Variants in DNM1L observed in about 807,000 individuals in gnomAD.
The protein encoded by DNM1L is dynamin 1L.
DNM1L carries 33 observed loss-of-function variants against 92.8 expected under a neutral mutation model. That is an observed-to-expected ratio of 0.36 (90% CI 0.27 to 0.48). The LOEUF is 0.48. Ranked by LOEUF, DNM1L falls within the 20% of genes least tolerant of loss-of-function variation. DNM1L has a pLI of 0.99. For synonymous variants in DNM1L, 284 were observed against 305.0 expected, an observed-to-expected ratio of 0.93 and a Z score of 0.72; for missense variants, 485 against 888.8, an observed-to-expected ratio of 0.55 and a Z score of 5.78.
At chr12:32,691,088 A>G (rs115358773) in intron 1 of DNM1L, among the ~76,000 whole-genome samples, 3,086 of 152,304 alleles carry the variant, frequency 0.02, 103 homozygotes, top group African/African-American at 0.071. Context: ...CTAGAAGTCC[A>G]AGATCAAAGT....
At chr12:32,684,574 G>T (rs929082936) in intron 1 of DNM1L, among the ~76,000 whole-genome samples, 67 of 151,778 alleles carry the variant, frequency 4.4e-4, no homozygotes, top group Admixed American at 7.2e-4. Flanking sequence ...CACCTTCCGG[G>T]TTCAGGTGAT....
At chr12:32,735,737 G>C (rs1954825664) in intron 13 of DNM1L, among the ~76,000 whole-genome samples, 1 of 152,004 alleles carries the variant, frequency 6.6e-6, no homozygotes, top group Admixed American at 6.6e-5. Flanking sequence ...AAATTAGCCG[G>C]GGGTGGTGGA....
chr12:32,707,956 A>G (rs990049408), intron 3 of DNM1L, among the ~76,000 whole-genome samples, 197 bp from the exon 4 acceptor site: 6 of 148,640 alleles, frequency 4.0e-5, no homozygotes, highest in South Asian at 2.2e-4. Context: ...CTCTCAAAGA[A>G]AAAAAAAAAG....
chr12:32,726,685 T>C (rs1954170715), intron 9 of DNM1L: 1 of 671,418 alleles, frequency 1.5e-6, no homozygotes, highest in Non-Finnish European at 2.7e-6. Flanking sequence ...GAAACTGTTT[T>C]AGTCACAATA....
chr12:32,696,383 A>AACACACAC lies in DNM1L; in HGVS notation c.103-5006_103-4999dup, dbSNP rs58224525. Reference sequence around the variant, plus strand: ...GAGACCCTGTCTACACACACACACAAACACACACACACACACACACACACA... The same window carrying AACACACAC: ...GAGACCCTGTCTACACACACACACAAACACACACACACACACACACACACACACACACA... On this transcript the variant is annotated intron_variant, in intron 1 of 19. Coordinates refer to ENST00000549701, the MANE Select transcript of DNM1L (RefSeq NM_012062.5). Among the ~76,000 whole-genome samples the AACACACAC allele has an allele frequency of 4.9e-3, 705 of 145,106 alleles. 1 individual carries two copies. The highest frequency in any genetic ancestry group is 6.4e-3 in the African/African-American group (254 of 39,440).
intron 4 of DNM1L, among the ~76,000 whole-genome samples, chr12:32,710,338 C>T (rs1361306743): frequency 1.3e-5 from 2 of 152,158 alleles, no homozygotes; most frequent in Non-Finnish European, 2.9e-5. Flanking sequence ...CTCGGAACCT[C>T]ATAAATTTGG....
chr12:32,742,305 T>C (rs759071384), intron 18 of DNM1L, among the ~76,000 whole-genome samples: 9 of 152,160 alleles, frequency 5.9e-5, no homozygotes, highest in Non-Finnish European at 1.0e-4. Flanking sequence ...TGTTTCACCA[T>C]GTTGGCCAGG....
At chr12:32,703,729 T>G (rs1270500776) in intron 2 of DNM1L, among the ~76,000 whole-genome samples, 1 of 152,000 alleles carries the variant, frequency 6.6e-6, no homozygotes, top group African/African-American at 2.4e-5. Flanking sequence ...AGATTCAGAG[T>G]AGTACATTCT....
intron 1 of DNM1L, 162 bp downstream of exon 1, chr12:32,679,627 CCGCACCCG>C (rs1951725911): frequency 1.5e-6 from 2 of 1,335,496 alleles, no homozygotes; most frequent in Non-Finnish European, 9.6e-7. Flanking sequence ...CCGGGCTCTG[CCGCACCCG>C]CCCTCCCGGG....
intron 5 of DNM1L, among the ~76,000 whole-genome samples, chr12:32,712,498 A>G (rs528549945): frequency 6.6e-6 from 1 of 151,802 alleles, no homozygotes; most frequent in East Asian, 1.9e-4. Flanking sequence ...TCATAATCCT[A>G]ATGGCCAGGT....
intron 6 of DNM1L, among the ~76,000 whole-genome samples, chr12:32,714,972 C>T (rs2137383693): frequency 6.6e-6 from 1 of 152,206 alleles, no homozygotes; most frequent in East Asian, 1.9e-4. Context: ...TGCACTCTTG[C>T]CTGGGCTCAG....
At position 32,743,761 on chromosome 12, in the gene DNM1L, A is replaced by G. The variant is rs1955476654; in HGVS notation, c.*351A>G. 1 of 280,110 alleles carries G rather than the reference A, an allele frequency of 3.6e-6. No homozygotes were observed. The highest frequency in any genetic ancestry group is 5.0e-5 in the South Asian group (1 of 20,004). 17.4% of individuals were successfully genotyped at this position (280,110 alleles called of 1,614,324 possible). A position where few individuals can be genotyped will look rare whatever the true frequency, so the allele number is the denominator to read the frequency against. The stretch of plus-strand genomic sequence containing the variant: ...TGTAATAATCTTTGTTAGTAGTCTT[A>G]AAGCTGCTGCCATAGTCCTCCAAGA... On this transcript the variant is annotated 3_prime_UTR_variant, in exon 20 of 20. Transcript: ENST00000549701.
intron 16 of DNM1L, chr12:32,739,716 T>G: frequency 4.0e-6 from 1 of 248,244 alleles, no homozygotes; most frequent in South Asian, 6.1e-5. Context: ...AACGAGTAGT[T>G]TTGTTTTTAA....
At chr12:32,734,820 T>C (rs1051961584) in intron 13 of DNM1L, among the ~76,000 whole-genome samples, 1 of 151,794 alleles carries the variant, frequency 6.6e-6, no homozygotes, top group African/African-American at 2.4e-5. Context: ...AAAAAAAAAC[T>C]GGGGAGCTTG....
At chr12:32,720,610 G>T in intron 7 of DNM1L, 54 bp from the exon 8 acceptor site, 1 of 1,611,110 alleles carries the variant, frequency 6.2e-7, no homozygotes, top group Non-Finnish European at 8.5e-7. Context: ...ATCATCTAAG[G>T]TAGGAAGAGG....
At chr12:32,737,624 C>A in intron 14 of DNM1L, 1 of 482,816 alleles carries the variant, frequency 2.1e-6, no homozygotes, top group Non-Finnish European at 3.7e-6. Flanking sequence ...TATTAAATAC[C>A]AAAAATAAAA....
chr12:32,722,931 T>G (rs1007466362), intron 9 of DNM1L, among the ~76,000 whole-genome samples: 3 of 151,658 alleles, frequency 2.0e-5, no homozygotes, highest in Non-Finnish European at 4.4e-5. Context: ...TAAAAATAAT[T>G]TAGCTTTTAA....
At chr12:32,740,035 T>C in intron 16 of DNM1L, 29 bp from the exon 17 acceptor site, 1 of 1,614,048 alleles carries the variant, frequency 6.2e-7, no homozygotes, top group Non-Finnish European at 8.5e-7. Context: ...TATGATGTGG[T>C]TGGTATGTTT....
chr12:32,737,035 A>G (rs1222625405), intron 13 of DNM1L, 70 bp from the exon 14 acceptor site: 4 of 1,545,512 alleles, frequency 2.6e-6, no homozygotes, highest in Non-Finnish European at 3.6e-6. Context: ...TTCAATTAAC[A>G]TGAACATTTT....
Sources: allele counts gnomAD v4.1 joint callset (sites outside exome capture counted in the v4.1 genomes callset), GRCh38; gene constraint gnomAD v4.1.1; transcripts MANE v1.5; gene names NCBI Gene and HGNC (gene_info 2026-07-23, HGNC 2026-07-21).